The following RHBDD1 variants were observed in gnomAD, a reference collection of about 807,000 sequenced individuals.
RHBDD1 encodes rhomboid domain containing 1.
In RHBDD1, 38 loss-of-function variants were observed where a neutral mutation model predicts 36.3. The observed-to-expected ratio is 1.05, with a 90% confidence interval of 0.81 to 1.37. The LOEUF (loss-of-function observed/expected upper bound fraction) is 1.37, where lower values mean the gene tolerates loss of function less well. RHBDD1 is among the 40% of genes most tolerant of loss of function. RHBDD1 has a pLI of 0.00. For synonymous variants in RHBDD1, 151 were observed against 136.5 expected (o/e 1.11, Z -0.74); for missense variants, 393 against 377.6 (o/e 1.04, Z -0.34).
chr2:226,907,271 C>G (rs1424274906), intron 6 of RHBDD1, among the ~76,000 whole-genome samples: 1 of 152,130 alleles, frequency 6.6e-6, no homozygotes, highest in Non-Finnish European at 1.5e-5. Flanking sequence ...AAAACAAAGC[C>G]TGGACTGAAG....
At chr2:226,992,957 C>A (rs1366855438) in intron 8 of RHBDD1, among the ~76,000 whole-genome samples, 8 of 152,138 alleles carry the variant, frequency 5.3e-5, no homozygotes, top group Non-Finnish European at 2.9e-5. Context: ...AGAAGTGTAC[C>A]TTGAAAGGGC....
At chr2:226,946,526 AC>A (rs1420239367) in intron 8 of RHBDD1, among the ~76,000 whole-genome samples, 1 of 152,090 alleles carries the variant, frequency 6.6e-6, no homozygotes, top group Non-Finnish European at 1.5e-5. Flanking sequence ...AGACATGAAA[AC>A]CCTTCAAAAA....
chr2:226,896,867 A>G (rs1048976059), intron 5 of RHBDD1, among the ~76,000 whole-genome samples: 1 of 152,152 alleles, frequency 6.6e-6, no homozygotes. Context: ...TAGTGGCACC[A>G]TCTCGGCTCA....
chr2:226,888,056 A>G (rs1157241087), intron 5 of RHBDD1, among the ~76,000 whole-genome samples: 1 of 152,110 alleles, frequency 6.6e-6, no homozygotes, highest in South Asian at 2.1e-4. Context: ...CTTCCCTACT[A>G]TGAGCTGCTG....
intron 3 of RHBDD1, among the ~76,000 whole-genome samples, chr2:226,854,306 C>T (rs1432695135): frequency 1.3e-5 from 2 of 151,874 alleles, no homozygotes; most frequent in South Asian, 2.1e-4. Flanking sequence ...ACAACTTAAC[C>T]TAAGGGCCGG....
chr2:226,973,703 A>G (rs1559328932), intron 8 of RHBDD1, among the ~76,000 whole-genome samples: 1 of 152,194 alleles, frequency 6.6e-6, no homozygotes, highest in African/African-American at 2.4e-5. Flanking sequence ...AGCAGCAAGC[A>G]TTTTGTTATC....
chr2:226,919,184 T>C (rs1018965394), intron 8 of RHBDD1, among the ~76,000 whole-genome samples: 5 of 152,058 alleles, frequency 3.3e-5, no homozygotes. Context: ...ATCCAATATG[T>C]AAGCAGCTAT....
intron 8 of RHBDD1, among the ~76,000 whole-genome samples, chr2:226,926,637 G>A (rs1949689123): frequency 6.6e-6 from 1 of 152,124 alleles, no homozygotes; most frequent in Non-Finnish European, 1.5e-5. Context: ...TCTTCAGATT[G>A]CATCAGGTCA....
chr2:226,865,247 T>TG lies in RHBDD1; in HGVS notation c.433+122dup, dbSNP rs1404534769. 2.6e-5 allele frequency: 20 copies of TG among 781,560 alleles called. No homozygotes were observed. In the South Asian group the frequency reaches 3.1e-4, roughly 12 times the overall value. The allele number at this position is 781,560 out of a possible 1,614,324, so 48.4% of individuals were successfully genotyped here. A position where few individuals can be genotyped will look rare whatever the true frequency, so the allele number is the denominator to read the frequency against. On this transcript the variant is annotated intron_variant, in intron 4 of 8. Transcript: ENST00000392062. ...GAGTGGTTAAGGGCTGCTGAGGCTTTGCGTCTTGAAGAGGAGGCTGGAGCA... is the reference window on the plus strand; with the variant it reads ...GAGTGGTTAAGGGCTGCTGAGGCTTTGGCGTCTTGAAGAGGAGGCTGGAGCA...
chr2:226,959,660 A>G (rs1197616940), intron 8 of RHBDD1, among the ~76,000 whole-genome samples: 4 of 152,232 alleles, frequency 2.6e-5, no homozygotes, highest in Non-Finnish European at 5.9e-5. Flanking sequence ...TTCACCTGAT[A>G]AACATTTGGA....
chr2:226,904,394 A>G (rs1487833865), intron 5 of RHBDD1, among the ~76,000 whole-genome samples: 5 of 125,022 alleles, frequency 4.0e-5, no homozygotes, highest in Non-Finnish European at 6.4e-5. Flanking sequence ...AAGTTACACC[A>G]CTGTGGCACA....
chr2:226,854,519 G>GGGA (rs1943130150), intron 3 of RHBDD1, among the ~76,000 whole-genome samples: 1 of 151,378 alleles, frequency 6.6e-6, no homozygotes, highest in Non-Finnish European at 1.5e-5. Flanking sequence ...GCTTAAACCT[G>GGGA]GGAGGCGGAG....
At chr2:226,973,835 C>T (rs1479718953) in intron 8 of RHBDD1, among the ~76,000 whole-genome samples, 2 of 152,152 alleles carry the variant, frequency 1.3e-5, no homozygotes, top group African/African-American at 2.4e-5. Flanking sequence ...AGAACAACTC[C>T]GGAGCCCATG....
At chr2:226,965,043 A>C (rs900533216) in intron 8 of RHBDD1, among the ~76,000 whole-genome samples, 1 of 152,196 alleles carries the variant, frequency 6.6e-6, no homozygotes, top group Non-Finnish European at 1.5e-5. Flanking sequence ...GAAAGATATG[A>C]CCACCCAGAA....
intron 8 of RHBDD1, chr2:226,914,710 T>C (rs1559266459): frequency 6.4e-6 from 1 of 156,872 alleles, no homozygotes; most frequent in Non-Finnish European, 1.4e-5. Context: ...TCACTAAGTA[T>C]CAAAATATTG....
chr2:226,978,959 A>G (rs942623248), intron 8 of RHBDD1, among the ~76,000 whole-genome samples: 1 of 152,170 alleles, frequency 6.6e-6, no homozygotes, highest in African/African-American at 2.4e-5. Context: ...AGAGTTCTTC[A>G]GAGGGACAGA....
chr2:226,940,585 T>C (rs1209695210), intron 8 of RHBDD1, among the ~76,000 whole-genome samples: 1 of 152,136 alleles, frequency 6.6e-6, no homozygotes, highest in Non-Finnish European at 1.5e-5. Context: ...TATATATGAT[T>C]ATTATAATTC....
chr2:226,884,388 G>T (rs1466934526), intron 5 of RHBDD1, among the ~76,000 whole-genome samples: 2 of 152,066 alleles, frequency 1.3e-5, no homozygotes, highest in Non-Finnish European at 2.9e-5. Flanking sequence ...GCTGCAGCCT[G>T]CAATAAATGT....
rs181860191 is a variant in RHBDD1, at chr2:226,926,462, A to G, written c.856+12111A>G. 7.6e-3 allele frequency among the ~76,000 whole-genome samples: 1,155 copies of G among 152,246 alleles called. 6 individuals carry two copies. Among genetic ancestry groups the G allele is most frequent in the Non-Finnish European group, 0.014 (923 of 68,010 alleles). On this transcript the variant is annotated intron_variant, in intron 8 of 8. Coordinates refer to ENST00000392062, the MANE Select transcript of RHBDD1 (RefSeq NM_001167608.3). ...CCTTTTTATGATTTAATTTTTCAGG[A>G]CACCAGTCTCATTGAATGGTAGGTG...
Sources: gnomAD v4.1 joint callset for allele counts (sites outside exome capture counted in the v4.1 genomes callset) on GRCh38, gnomAD v4.1.1 for gene constraint, MANE v1.5 for transcripts, NCBI Gene and HGNC (gene_info 2026-07-23, HGNC 2026-07-21) for gene names.